The following CDK11B variants were observed in gnomAD, a reference collection of about 807,000 sequenced individuals.
The protein encoded by CDK11B is cyclin dependent kinase 11B, also known as cyclin-dependent kinase 11B.
In CDK11B, 37 loss-of-function variants were observed where a neutral mutation model predicts 84.0. The observed-to-expected ratio is 0.44, with a 90% confidence interval of 0.34 to 0.58. The LOEUF is 0.58. CDK11B is among the 20% of genes least tolerant of loss of function. CDK11B has a pLI of 0.02. For synonymous variants in CDK11B, 269 were observed against 309.8 expected, an observed-to-expected ratio of 0.87 and a Z score of 1.38; for missense variants, 427 against 834.0, an observed-to-expected ratio of 0.51 and a Z score of 6.01.
At chr1:1,652,300 G>C (rs1279332570) in intron 4 of CDK11B, 139 bp downstream of exon 4, 3 of 642,414 alleles carry the variant, frequency 4.7e-6, no homozygotes, top group Non-Finnish European at 7.2e-6. Context: ...CATTCTGAAC[G>C]GTCTGTGACA....
At chr1:1,654,472 G>A (rs1642454057) in intron 3 of CDK11B, among the ~76,000 whole-genome samples, 1 of 151,598 alleles carries the variant, frequency 6.6e-6, no homozygotes, top group Non-Finnish European at 1.5e-5. Context: ...GTGTAGAGAC[G>A]AGGTCTCCCT....
intron 3 of CDK11B, among the ~76,000 whole-genome samples, chr1:1,654,872 A>C (rs865928611): frequency 5.4e-4 from 81 of 149,026 alleles, no homozygotes; most frequent in Non-Finnish European, 7.4e-5. Context: ...GTTAGCCAGG[A>C]TGGTCTTGAT....
In CDK11B at chr1:1,635,647, C is replaced by A; in HGVS notation, c.*117G>T. The A allele has an allele frequency of 2.7e-6, 1 of 364,468 alleles. No homozygotes were observed. Among genetic ancestry groups the A allele is most frequent in the South Asian group, 2.5e-5 (1 of 40,600 alleles). The allele number at this position is 364,468 out of a possible 1,614,324, so 22.6% of individuals were successfully genotyped here. A position where few individuals can be genotyped will look rare whatever the true frequency, so the allele number is the denominator to read the frequency against. ...AAATTTACAAACCAAAATACAAAAA[C>A]AAAACATGGAGCACAAAGTAAGACG... On this transcript the variant is annotated 3_prime_UTR_variant, in exon 20 of 20. Coordinates refer to ENST00000341832, the MANE Select transcript of CDK11B (RefSeq NM_033486.3).
intron 1 of CDK11B, 28 bp from the exon 2 acceptor site, chr1:1,657,526 C>T: frequency 7.1e-7 from 1 of 1,412,582 alleles, no homozygotes; most frequent in Non-Finnish European, 9.5e-7. Context: ...ATTCAGCCTA[C>T]ATCAGGACAC....
At chr1:1,649,235 G>A (rs1230889281) in intron 5 of CDK11B, among the ~76,000 whole-genome samples, 1 of 152,156 alleles carries the variant, frequency 6.6e-6, no homozygotes, top group African/African-American at 2.4e-5. Flanking sequence ...AAGTAGCTGG[G>A]ACTACAGGTG....
chr1:1,655,463 G>T lies in CDK11B; in HGVS notation c.133C>A (p.Arg45=), dbSNP rs1381635294. The T allele has an allele frequency of 3.7e-6, 6 of 1,610,488 alleles. No individual in the cohort carries two copies. The highest frequency in any genetic ancestry group is 1.7e-6 in the Non-Finnish European group (2 of 1,176,972). Residue 45 remains arginine, a synonymous_variant, in exon 3 of 20, where the codon CGG becomes AGG. Transcript: ENST00000341832. The part of the protein sequence containing the change: ...LKNSDDRDSK[R]DSLEEGELRD... Reference sequence around the variant, plus strand: ...AGCTCCCCCTCCTCAAGGGAATCCCGCTTGGAATCCCGGTCATCAGACTAA... The same window carrying T: ...AGCTCCCCCTCCTCAAGGGAATCCCTCTTGGAATCCCGGTCATCAGACTAA...
chr1:1,650,664 CTTTTT>C (rs1185570412), intron 4 of CDK11B, among the ~76,000 whole-genome samples: 36,827 of 114,912 alleles, frequency 0.32, 5,520 homozygotes, highest in East Asian at 0.46. Context: ...CGCGCCCGGC[CTTTTT>C]TTTTTTTTTT....
chr1:1,649,364 G>A, intron 5 of CDK11B, 135 bp downstream of exon 5: 1 of 650,536 alleles, frequency 1.5e-6, no homozygotes, highest in Non-Finnish European at 2.7e-6. Context: ...GCCTCCCAAA[G>A]TGCTGGGATT....
intron 2 of CDK11B, among the ~76,000 whole-genome samples, chr1:1,656,647 TG>T (rs1284695182): frequency 1.3e-5 from 2 of 151,806 alleles, no homozygotes; most frequent in African/African-American, 4.8e-5. Context: ...AAAATTAGCT[TG>T]GCATGTTGGT....
At chr1:1,655,753 C>T (rs1029295214) in intron 2 of CDK11B, among the ~76,000 whole-genome samples, 2 of 152,008 alleles carry the variant, frequency 1.3e-5, no homozygotes, top group African/African-American at 4.8e-5. Context: ...GAAACCCCAT[C>T]TCTACTAAAA....
rs1189161739 is a variant in CDK11B, at chr1:1,636,138, G to A, written c.2067-12C>T. Reference sequence around the variant, plus strand: ...AGTAGGTCAGGAACCTGGGGGGAGAGGGCCAGAGGCCCAGGAGGTGCTCGT... The same window carrying A: ...AGTAGGTCAGGAACCTGGGGGGAGAAGGCCAGAGGCCCAGGAGGTGCTCGT... On this transcript the variant is annotated splice_polypyrimidine_tract_variant and intron_variant, in intron 18 of 19. Transcript: ENST00000341832. The A allele has an allele frequency of 1.8e-6, 1 of 568,780 alleles. No individual in the cohort carries two copies. The highest frequency in any genetic ancestry group is 3.0e-6 in the Non-Finnish European group (1 of 331,702). The allele number at this position is 568,780 out of a possible 1,614,324, so 35.2% of individuals were successfully genotyped here.
chr1:1,636,523 A>G (rs746717349), intron 17 of CDK11B, 42 bp from the exon 18 acceptor site: 1 of 1,596,486 alleles, frequency 6.3e-7, no homozygotes, highest in African/African-American at 1.3e-5. Flanking sequence ...CAAGTGGCCC[A>G]CAGTGTTGGC....
chr1:1,653,186 G>A (rs1169510201), intron 3 of CDK11B, among the ~76,000 whole-genome samples: 2 of 151,458 alleles, frequency 1.3e-5, no homozygotes, highest in Admixed American at 6.6e-5. Flanking sequence ...CACCACACCC[G>A]GCTAATTTTT....
At chr1:1,654,784 G>A (rs1039589346) in intron 3 of CDK11B, among the ~76,000 whole-genome samples, 2 of 151,572 alleles carry the variant, frequency 1.3e-5, no homozygotes, top group Non-Finnish European at 2.9e-5. Flanking sequence ...TCAGCCTCCC[G>A]AGTAGCTGGG....
At chr1:1,646,303 T>C in intron 5 of CDK11B, 1 of 434,590 alleles carries the variant, frequency 2.3e-6, no homozygotes, top group Admixed American at 2.8e-5. Flanking sequence ...CTTTTTGATT[T>C]TAAATTACAT....
At chr1:1,657,898 T>G (rs1642972468) in intron 1 of CDK11B, among the ~76,000 whole-genome samples, 1 of 115,372 alleles carries the variant, frequency 8.7e-6, no homozygotes, top group Non-Finnish European at 1.7e-5. Flanking sequence ...AAGTAAGACT[T>G]GGTTAAAAAA....
At chr1:1,638,675 G>C (rs1639767396) in intron 11 of CDK11B, 85 bp from the exon 12 acceptor site, 3 of 1,362,036 alleles carry the variant, frequency 2.2e-6, no homozygotes, top group South Asian at 2.3e-5. Flanking sequence ...GGCACACCCG[G>C]CACGGGGCAG....
intron 10 of CDK11B, 69 bp downstream of exon 10, chr1:1,640,979 G>A: frequency 6.3e-7 from 1 of 1,595,932 alleles, no homozygotes; most frequent in Non-Finnish European, 8.5e-7. Flanking sequence ...AGGACCGGCT[G>A]TCTTAGGAGA....
intron 3 of CDK11B, chr1:1,653,994 G>C (rs1313940853): frequency 2.6e-6 from 1 of 391,102 alleles, no homozygotes; most frequent in East Asian, 7.5e-5. Flanking sequence ...GGGCGACAGG[G>C]TAAGACTCTG....
Sources: allele counts gnomAD v4.1 joint callset (sites outside exome capture counted in the v4.1 genomes callset), GRCh38; gene constraint gnomAD v4.1.1; transcripts MANE v1.5; gene names NCBI Gene and HGNC (gene_info 2026-07-23, HGNC 2026-07-21).